QTMAN: variants seen among roughly 807,000 people sequenced by gnomAD.
QTMAN encodes the protein queuosine-tRNA mannosyltransferase.
the QTMAN span, among the ~76,000 whole-genome samples, chr2:144,133,437 TATATA>T: frequency 1.7e-5 from 1 of 58,780 alleles, no homozygotes; most frequent in East Asian, 7.0e-4. Flanking sequence ...TAATATATAA[TATATA>T]ATATATAATA....
chr2:144,121,815 C>G, the QTMAN span, among the ~76,000 whole-genome samples: 3 of 152,028 alleles, frequency 2.0e-5, no homozygotes, highest in Non-Finnish European at 4.4e-5. Context: ...CCAAAGAGGC[C>G]CAATATTTAT....
chr2:143,972,214 TC>T, the QTMAN span, among the ~76,000 whole-genome samples: 1 of 152,300 alleles, frequency 6.6e-6, no homozygotes, highest in East Asian at 1.9e-4. Flanking sequence ...CCATATGCCA[TC>T]TTCAACCATA....
chr2:144,031,304 T>C, the QTMAN span, among the ~76,000 whole-genome samples: 1 of 152,164 alleles, frequency 6.6e-6, no homozygotes, highest in African/African-American at 2.4e-5. Context: ...GGATACCCTT[T>C]GGTACTAATC....
At chr2:144,288,953 G>A in the QTMAN span, among the ~76,000 whole-genome samples, 4 of 151,392 alleles carry the variant, frequency 2.6e-5, no homozygotes, top group Non-Finnish European at 5.9e-5. Context: ...AAAGAGAACA[G>A]ATGCCCTGCT....
chr2:144,093,092 GACA>G, the QTMAN span, among the ~76,000 whole-genome samples: 1 of 152,126 alleles, frequency 6.6e-6, no homozygotes, highest in African/African-American at 2.4e-5. Context: ...TTCAACACTA[GACA>G]ACATGAAGAG....
the QTMAN span, among the ~76,000 whole-genome samples, chr2:144,330,450 AT>A: frequency 6.6e-6 from 1 of 152,250 alleles, no homozygotes; most frequent in Non-Finnish European, 1.5e-5. Flanking sequence ...CACGGTTTAT[AT>A]ACACCATAAC....
chr2:144,231,843 G>GGTGTGTGTGTGT, the QTMAN span, among the ~76,000 whole-genome samples: 243 of 138,442 alleles, frequency 1.8e-3, 1 homozygote, highest in Non-Finnish European at 2.9e-3. Context: ...GAATGAAAGA[G>GGTGTGTGTGTGT]GTGTGTGTGT....
chr2:144,048,819 T>TACACAC, the QTMAN span, among the ~76,000 whole-genome samples: 338 of 148,332 alleles, frequency 2.3e-3, 1 homozygote, highest in Non-Finnish European at 3.3e-3. Flanking sequence ...CACACATGCA[T>TACACAC]ACACACACAC....
chr2:144,120,558 T>C, the QTMAN span, among the ~76,000 whole-genome samples: 2 of 152,228 alleles, frequency 1.3e-5, no homozygotes, highest in Non-Finnish European at 2.9e-5. Context: ...TATGGATACA[T>C]AAAGCTATGA....
At chr2:144,202,289 A>T in the QTMAN span, among the ~76,000 whole-genome samples, 1 of 152,214 alleles carries the variant, frequency 6.6e-6, no homozygotes, top group Non-Finnish European at 1.5e-5. Flanking sequence ...ATGTACAGGA[A>T]ATCAGAGACA....
At chr2:144,204,693 C>T in the QTMAN span, among the ~76,000 whole-genome samples, 15 of 152,018 alleles carry the variant, frequency 9.9e-5, no homozygotes, top group African/African-American at 3.6e-4. Context: ...CACATGCACA[C>T]GTATGTTTAT....
At chr2:144,183,522 T>C in the QTMAN span, among the ~76,000 whole-genome samples, 1 of 152,318 alleles carries the variant, frequency 6.6e-6, no homozygotes, top group East Asian at 1.9e-4. Flanking sequence ...AATCAATGTA[T>C]TTAATTTAAT....
At chr2:144,045,008 T>G in the QTMAN span, among the ~76,000 whole-genome samples, 1 of 152,334 alleles carries the variant, frequency 6.6e-6, no homozygotes, top group East Asian at 1.9e-4. Context: ...ACAGCAACTG[T>G]GCCTTCATGA....
the QTMAN span, among the ~76,000 whole-genome samples, chr2:144,315,888 G>A: frequency 3.3e-5 from 5 of 152,174 alleles, no homozygotes; most frequent in African/African-American, 4.8e-5. Flanking sequence ...GCTCTGCCAT[G>A]ACACTATCAC....
At chr2:144,018,023 T>C in the QTMAN span, among the ~76,000 whole-genome samples, 1 of 152,174 alleles carries the variant, frequency 6.6e-6, no homozygotes, top group Non-Finnish European at 1.5e-5. Flanking sequence ...TCCAATGTTA[T>C]TAATTAAATT....
At chr2:144,283,603 T>C in the QTMAN span, among the ~76,000 whole-genome samples, 81 of 152,288 alleles carry the variant, frequency 5.3e-4, 1 homozygote, top group African/African-American at 1.9e-3. Context: ...AATAGTCCAT[T>C]TGAAATTAAA....
chr2:144,096,418 T>C, the QTMAN span, among the ~76,000 whole-genome samples: 1 of 152,160 alleles, frequency 6.6e-6, no homozygotes, highest in African/African-American at 2.4e-5. Context: ...ATGGACCTAA[T>C]TGTGGTTTAT....
the QTMAN span, among the ~76,000 whole-genome samples, chr2:144,043,260 C>A: frequency 7.0e-6 from 1 of 142,836 alleles, no homozygotes; most frequent in African/African-American, 2.9e-5. Context: ...TGTGTTTAAC[C>A]AAGTAGGGGT....
the QTMAN span, among the ~76,000 whole-genome samples, chr2:144,325,123 G>A: frequency 6.6e-6 from 1 of 152,222 alleles, no homozygotes; most frequent in East Asian, 1.9e-4. Context: ...AAACCCAAAG[G>A]AGGACAGAGA....
Sources: allele counts gnomAD v4.1 joint callset (sites outside exome capture counted in the v4.1 genomes callset), GRCh38; gene constraint gnomAD v4.1.1; transcripts MANE v1.5; gene names NCBI Gene and HGNC (gene_info 2026-07-23, HGNC 2026-07-21).